RUNDC3B: variants seen among roughly 807,000 people sequenced by gnomAD.
RUNDC3B encodes RUN domain containing 3B, also known as RUN domain-containing protein 3B.
Under a neutral mutation model 58.4 loss-of-function variants are expected in RUNDC3B, and 33 were observed. The ratio of observed to expected loss-of-function variants is 0.56; its 90% CI spans 0.43 to 0.75. The LOEUF (loss-of-function observed/expected upper bound fraction) is 0.75. RUNDC3B is among the 30% of genes least tolerant of loss of function. RUNDC3B has a pLI of 0.00. For synonymous variants in RUNDC3B, 193 were observed against 195.2 expected (o/e 0.99, Z 0.10); for missense variants, 501 against 535.7 (o/e 0.94, Z 0.64).
chr7:87,819,144 A>C (rs1259599081), intron 10 of RUNDC3B, among the ~76,000 whole-genome samples: 1 of 152,068 alleles, frequency 6.6e-6, no homozygotes. Flanking sequence ...AACAGTTGTG[A>C]CTCGGCCCTG....
intron 2 of RUNDC3B, among the ~76,000 whole-genome samples, chr7:87,684,763 A>C (rs1827292017): frequency 6.6e-6 from 1 of 150,628 alleles, no homozygotes; most frequent in Non-Finnish European, 1.5e-5. Context: ...AAAAAAAAAA[A>C]AAAAAAAAAA....
chr7:87,720,736 G>A (rs1264598404), intron 4 of RUNDC3B, among the ~76,000 whole-genome samples: 1 of 151,460 alleles, frequency 6.6e-6, no homozygotes, highest in Non-Finnish European at 1.5e-5. Context: ...GAGTAGCTGG[G>A]ACTACAGACG....
chr7:87,702,168 A>AAAAAAAAAAC (rs1345954938), intron 3 of RUNDC3B, among the ~76,000 whole-genome samples: 1 of 150,232 alleles, frequency 6.7e-6, no homozygotes, highest in African/African-American at 2.4e-5. Context: ...AAAAAAAAAA[A>AAAAAAAAAAC]AAAACAGAGA....
chr7:87,815,764 A>C (rs1836993762), intron 9 of RUNDC3B, among the ~76,000 whole-genome samples: 2 of 152,298 alleles, frequency 1.3e-5, no homozygotes, highest in South Asian at 4.1e-4. Context: ...CTTAAAAGAC[A>C]CTAGGTCATT....
intron 2 of RUNDC3B, among the ~76,000 whole-genome samples, chr7:87,663,584 A>G (rs1402705821): frequency 6.6e-6 from 1 of 152,152 alleles, no homozygotes; most frequent in African/African-American, 2.4e-5. Context: ...AATCTTTTAA[A>G]ATACTGTATA....
intron 8 of RUNDC3B, among the ~76,000 whole-genome samples, chr7:87,801,374 C>T (rs1836145499): frequency 6.6e-6 from 1 of 152,208 alleles, no homozygotes; most frequent in African/African-American, 2.4e-5. Context: ...AAGTCAAGTA[C>T]TATTTGAAGC....
chr7:87,744,291 G>C (rs1184202638), intron 6 of RUNDC3B, among the ~76,000 whole-genome samples: 1 of 152,098 alleles, frequency 6.6e-6, no homozygotes, highest in Non-Finnish European at 1.5e-5. Flanking sequence ...CTTTGGCTAT[G>C]TGGGTTCTTT....
intron 2 of RUNDC3B, among the ~76,000 whole-genome samples, chr7:87,679,668 G>T (rs116265932): frequency 6.7e-6 from 1 of 150,306 alleles, no homozygotes; most frequent in South Asian, 2.1e-4. Flanking sequence ...GAGATTACAA[G>T]TGTGAACCAC....
At chr7:87,810,166 A>T (rs1836635384) in intron 9 of RUNDC3B, among the ~76,000 whole-genome samples, 1 of 152,334 alleles carries the variant, frequency 6.6e-6, no homozygotes, top group Middle Eastern at 3.4e-3. Context: ...AGAGAGTGTT[A>T]AAAGAAAAAC....
intron 8 of RUNDC3B, among the ~76,000 whole-genome samples, chr7:87,796,256 A>C (rs1460773699): frequency 6.6e-6 from 1 of 152,168 alleles, no homozygotes; most frequent in Non-Finnish European, 1.5e-5. Flanking sequence ...ATAAAAATCA[A>C]AACAATTGAA....
At chr7:87,680,548 T>C (rs544382669) in intron 2 of RUNDC3B, among the ~76,000 whole-genome samples, 1 of 150,652 alleles carries the variant, frequency 6.6e-6, no homozygotes, top group Admixed American at 6.6e-5. Flanking sequence ...ATCCCAGCAC[T>C]TAGGGAGGCC....
intron 6 of RUNDC3B, among the ~76,000 whole-genome samples, chr7:87,750,246 T>C (rs1418845495): frequency 1.3e-5 from 2 of 152,134 alleles, no homozygotes; most frequent in African/African-American, 2.4e-5. Flanking sequence ...CCATGGTGTA[T>C]ATGTGCCACA....
intron 1 of RUNDC3B, among the ~76,000 whole-genome samples, chr7:87,648,477 G>A (rs1200494486): frequency 2.6e-5 from 4 of 151,874 alleles, no homozygotes; most frequent in African/African-American, 4.8e-5. Flanking sequence ...CATTGAAAGT[G>A]TAAAGGAAAA....
intron 2 of RUNDC3B, among the ~76,000 whole-genome samples, chr7:87,675,957 C>T (rs953369785): frequency 8.5e-5 from 13 of 152,192 alleles, no homozygotes; most frequent in Non-Finnish European, 1.5e-5. Flanking sequence ...TGGCTCATAC[C>T]TGTAATCCCA....
At chr7:87,806,120 G>A (rs1836422439) in intron 8 of RUNDC3B, among the ~76,000 whole-genome samples, 1 of 152,098 alleles carries the variant, frequency 6.6e-6, no homozygotes, top group African/African-American at 2.4e-5. Context: ...GCCTATTTTA[G>A]TATTCCATCC....
At chr7:87,740,713 T>A (rs1477656214) in intron 5 of RUNDC3B, among the ~76,000 whole-genome samples, 1 of 152,230 alleles carries the variant, frequency 6.6e-6, no homozygotes, top group Non-Finnish European at 1.5e-5. Flanking sequence ...TATTTGTCAC[T>A]TGACAAGTCT....
Position 87,816,160 on chromosome 7 carries a change from G to C in RUNDC3B, c.1123G>C (p.Asp375His). Residue 375 changes from aspartate to histidine, a missense_variant, in exon 10 of 11, where the codon GAC (aspartate) becomes CAC (histidine). Asp to His is a moderately conservative substitution (Grantham distance 81, BLOSUM62 -1). Coordinates refer to ENST00000394654, the MANE Select transcript of RUNDC3B (RefSeq NM_001134405.2). ...QWYEKSYQSLDQLSAEVSLSQ... is the reference protein window; with the variant it reads ...QWYEKSYQSLHQLSAEVSLSQ... ...TTACAGGAAAAGTTATCAAAGTCTT[G>C]ACCAGTTATCAGCAGAAGTTAGCCT... 6.2e-7 allele frequency: 1 copy of C among 1,607,934 alleles called. No homozygotes were observed. The highest frequency in any genetic ancestry group is 8.5e-7 in the Non-Finnish European group (1 of 1,175,204).
At chr7:87,748,967 C>T (rs1046858190) in intron 6 of RUNDC3B, among the ~76,000 whole-genome samples, 4 of 152,118 alleles carry the variant, frequency 2.6e-5, no homozygotes, top group Admixed American at 2.0e-4. Flanking sequence ...TTTTGGGATA[C>T]GTTGGATTAC....
At chr7:87,691,936 A>G (rs1828053277) in intron 2 of RUNDC3B, among the ~76,000 whole-genome samples, 1 of 152,204 alleles carries the variant, frequency 6.6e-6, no homozygotes, top group African/African-American at 2.4e-5. Flanking sequence ...AAATTTGACT[A>G]CATTAGATAA....
Sources: allele counts gnomAD v4.1 joint callset (sites outside exome capture counted in the v4.1 genomes callset), GRCh38; gene constraint gnomAD v4.1.1; transcripts MANE v1.5; gene names NCBI Gene and HGNC (gene_info 2026-07-23, HGNC 2026-07-21).